DRC8: variants seen among roughly 807,000 people sequenced by gnomAD.
DRC8 encodes dynein regulatory complex protein 8.
At chr1:245,087,099 G>T in the DRC8 span, 1 of 1,197,470 alleles carries the variant, frequency 8.4e-7, no homozygotes, top group Non-Finnish European at 1.2e-6. Flanking sequence ...CTGGACTGTC[G>T]TGATGTCCTG....
chr1:245,034,175 T>C, the DRC8 span, among the ~76,000 whole-genome samples: 2 of 152,328 alleles, frequency 1.3e-5, no homozygotes, highest in African/African-American at 4.8e-5. Flanking sequence ...CATACCTAAA[T>C]CTGTATCTTA....
At chr1:245,054,160 T>G in the DRC8 span, among the ~76,000 whole-genome samples, 2 of 151,938 alleles carry the variant, frequency 1.3e-5, no homozygotes, top group South Asian at 4.2e-4. Flanking sequence ...TTTTTTGGGG[T>G]TTTTGTTTGT....
At chr1:244,970,333 G>T in the DRC8 span, 3 of 1,493,502 alleles carry the variant, frequency 2.0e-6, no homozygotes, top group African/African-American at 4.4e-5. Context: ...CTCCAGGCCA[G>T]GCTCGCCGCG....
the DRC8 span, chr1:245,083,634 G>C: frequency 6.2e-7 from 1 of 1,609,618 alleles, no homozygotes; most frequent in Admixed American, 1.7e-5. Flanking sequence ...TTTAGATTCA[G>C]CTAAACGTGG....
At chr1:245,026,296 T>G in the DRC8 span, among the ~76,000 whole-genome samples, 1 of 152,220 alleles carries the variant, frequency 6.6e-6, no homozygotes, top group African/African-American at 2.4e-5. Flanking sequence ...CTGTCTAAAA[T>G]TCTGTAAGAA....
chr1:245,077,484 G>A, the DRC8 span, among the ~76,000 whole-genome samples: 2 of 152,118 alleles, frequency 1.3e-5, no homozygotes, highest in African/African-American at 4.8e-5. Context: ...ATGTTACAAA[G>A]CAAAAGTAAT....
At chr1:245,068,942 A>G in the DRC8 span, among the ~76,000 whole-genome samples, 4 of 152,216 alleles carry the variant, frequency 2.6e-5, no homozygotes, top group African/African-American at 9.6e-5. Context: ...CACAACCAGA[A>G]TATTTTACCT....
At chr1:244,988,521 G>A in the DRC8 span, among the ~76,000 whole-genome samples, 6 of 152,186 alleles carry the variant, frequency 3.9e-5, no homozygotes, top group East Asian at 1.9e-4. Context: ...GATGATATGC[G>A]TATCCAACCC....
chr1:245,118,328 G>A, the DRC8 span, among the ~76,000 whole-genome samples: 2 of 152,186 alleles, frequency 1.3e-5, no homozygotes, highest in Non-Finnish European at 2.9e-5. Flanking sequence ...GGACAGGTGC[G>A]CTGGGCTTGG....
chr1:245,082,985 A>G, the DRC8 span, among the ~76,000 whole-genome samples: 1 of 152,236 alleles, frequency 6.6e-6, no homozygotes. Flanking sequence ...CTGGGATTAC[A>G]GGCATGAGCC....
the DRC8 span, among the ~76,000 whole-genome samples, chr1:245,052,979 A>G: frequency 2.0e-5 from 3 of 152,242 alleles, no homozygotes; most frequent in Non-Finnish European, 4.4e-5. Context: ...TATGAATTGT[A>G]TGATAAAACT....
the DRC8 span, among the ~76,000 whole-genome samples, chr1:245,035,399 G>T: frequency 1.3e-5 from 2 of 151,874 alleles, no homozygotes; most frequent in East Asian, 3.9e-4. Context: ...ATAGAATTGA[G>T]TCTGGAAATA....
the DRC8 span, chr1:245,030,526 A>G: frequency 2.0e-5 from 3 of 152,242 alleles, no homozygotes; most frequent in Admixed American, 2.0e-4. Context: ...AGTGTACTGG[A>G]AGGACATTTA....
the DRC8 span, among the ~76,000 whole-genome samples, chr1:245,002,708 T>G: frequency 6.6e-6 from 1 of 150,938 alleles, no homozygotes; most frequent in African/African-American, 2.4e-5. Context: ...TTTGTAGAGA[T>G]AGGGTTTTGC....
the DRC8 span, among the ~76,000 whole-genome samples, chr1:245,016,489 C>G: frequency 6.6e-6 from 1 of 152,172 alleles, no homozygotes; most frequent in South Asian, 2.1e-4. Context: ...CCCACCCACG[C>G]CCAGCACTCC....
At chr1:245,010,534 G>T in the DRC8 span, among the ~76,000 whole-genome samples, 6 of 152,124 alleles carry the variant, frequency 3.9e-5, no homozygotes, top group Non-Finnish European at 7.4e-5. Flanking sequence ...GTCGTGCCCT[G>T]GTCCCCCTGT....
chr1:245,102,856 C>A, the DRC8 span, among the ~76,000 whole-genome samples: 1,225 of 124,610 alleles, frequency 9.8e-3, 37 homozygotes, highest in South Asian at 0.015. Context: ...TGGAGAGGCC[C>A]AGCATTGTTT....
chr1:244,986,980 G>A, the DRC8 span, among the ~76,000 whole-genome samples: 13,928 of 152,014 alleles, frequency 0.092, 800 homozygotes, highest in East Asian at 0.24. Flanking sequence ...TTTATCTAAG[G>A]TCCATCCTCA....
chr1:245,011,436 C>T, the DRC8 span, among the ~76,000 whole-genome samples: 7 of 152,182 alleles, frequency 4.6e-5, no homozygotes, highest in Non-Finnish European at 7.3e-5. Context: ...GTGGCATCAC[C>T]AGAATACCTG....
Sources: gnomAD v4.1 joint callset for allele counts (sites outside exome capture counted in the v4.1 genomes callset) on GRCh38, gnomAD v4.1.1 for gene constraint, MANE v1.5 for transcripts, NCBI Gene and HGNC (gene_info 2026-07-23, HGNC 2026-07-21) for gene names.